The following FHIT variants were observed in gnomAD, a reference collection of about 807,000 sequenced individuals.
The protein encoded by FHIT is bis(5'-adenosyl)-triphosphatase.
FHIT carries 19 observed loss-of-function variants against 17.9 expected under a neutral mutation model. The observed-to-expected ratio is 1.06, with a 90% confidence interval of 0.74 to 1.56. The LOEUF (loss-of-function observed/expected upper bound fraction) is 1.56. Among genes scored for constraint, FHIT ranks in the 40% most tolerant of loss-of-function variants. The pLI is 0.00. For missense variants in FHIT, 248 were observed against 189.2 expected, an observed-to-expected ratio of 1.31 and a Z score of -1.82; for synonymous variants, 81 against 69.7, an observed-to-expected ratio of 1.16 and a Z score of -0.81.
intron 4 of FHIT, among the ~76,000 whole-genome samples, chr3:60,811,546 G>A (rs1487350658): frequency 2.0e-5 from 3 of 152,270 alleles, no homozygotes; most frequent in African/African-American, 7.2e-5. Context: ...CTATACATAT[G>A]TTAGTAACCT....
At chr3:59,991,172 G>T (rs1394359893) in intron 7 of FHIT, among the ~76,000 whole-genome samples, 1 of 152,046 alleles carries the variant, frequency 6.6e-6, no homozygotes, top group East Asian at 1.9e-4. Flanking sequence ...TACTCAGCAG[G>T]TGCTCAGTGA....
At chr3:60,579,219 A>C (rs541317729) in intron 4 of FHIT, among the ~76,000 whole-genome samples, 1 of 152,194 alleles carries the variant, frequency 6.6e-6, no homozygotes, top group African/African-American at 2.4e-5. Flanking sequence ...AGCCCACTAT[A>C]CACATAGGCT....
intron 1 of FHIT, among the ~76,000 whole-genome samples, chr3:61,244,744 G>T (rs747515120): frequency 9.9e-5 from 15 of 152,170 alleles, no homozygotes; most frequent in Non-Finnish European, 1.9e-4. Flanking sequence ...AACAGGTCTT[G>T]CTATGTTTCC....
chr3:60,328,205 G>A (rs995026508), intron 5 of FHIT, among the ~76,000 whole-genome samples: 3 of 152,188 alleles, frequency 2.0e-5, no homozygotes, highest in South Asian at 2.1e-4. Context: ...CACAGAGTAA[G>A]GCAGGAATGA....
intron 5 of FHIT, among the ~76,000 whole-genome samples, chr3:60,127,070 A>G (rs1374312640): frequency 6.6e-6 from 1 of 152,154 alleles, no homozygotes; most frequent in Non-Finnish European, 1.5e-5. Flanking sequence ...GCCTGGTGAG[A>G]TCAGGTACCT....
intron 2 of FHIT, among the ~76,000 whole-genome samples, chr3:61,096,464 C>T (rs1199841874): frequency 6.6e-6 from 1 of 152,186 alleles, no homozygotes; most frequent in Non-Finnish European, 1.5e-5. Context: ...TGAACCAACT[C>T]ACCCTATAAT....
At chr3:60,727,593 A>G (rs545410845) in intron 4 of FHIT, among the ~76,000 whole-genome samples, 1 of 152,326 alleles carries the variant, frequency 6.6e-6, no homozygotes, top group South Asian at 2.1e-4. Context: ...GTGACTCTAT[A>G]AAGTAAAGTT....
intron 8 of FHIT, among the ~76,000 whole-genome samples, chr3:59,806,768 C>T (rs941640330): frequency 3.3e-5 from 4 of 119,716 alleles, no homozygotes; most frequent in Non-Finnish European, 7.2e-5. Flanking sequence ...TAGAATGCAG[C>T]TGTGGAACAT....
intron 5 of FHIT, among the ~76,000 whole-genome samples, chr3:60,019,415 C>CTTTTTTTGTTTTTTTTTTTTTTTTT (rs1700467889): frequency 8.3e-6 from 1 of 121,094 alleles, no homozygotes; most frequent in African/African-American, 3.1e-5. Flanking sequence ...TGAGATGCTC[C>CTTTTTTTGTTTTTTTTTTTTTTTTT]TTTTTTTTTT....
intron 8 of FHIT, among the ~76,000 whole-genome samples, chr3:59,820,812 G>C (rs1196992598): frequency 6.6e-6 from 1 of 152,160 alleles, no homozygotes; most frequent in Non-Finnish European, 1.5e-5. Flanking sequence ...CAGGGCAAGA[G>C]AAAAGAACAA....
chr3:60,848,328 G>T (rs1703007500), intron 3 of FHIT, among the ~76,000 whole-genome samples: 1 of 152,068 alleles, frequency 6.6e-6, no homozygotes, highest in South Asian at 2.1e-4. Context: ...CTATCAAATT[G>T]TACTTTTTAA....
At position 59,906,949 on chromosome 3, in the gene FHIT, C is replaced by T. The variant is rs573601311; in HGVS notation, c.348+15397G>A. 2.0e-5 allele frequency among the ~76,000 whole-genome samples: 3 copies of T among 152,286 alleles called. No individual in the cohort carries two copies. In the East Asian group the frequency reaches 5.8e-4, roughly 29 times the overall value. Reference sequence around the variant, plus strand: ...TTCTGCTATGCTAATGTGACCTCCACGTGGAAATCAAAGGAAAGGAGTTCT... The same window carrying T: ...TTCTGCTATGCTAATGTGACCTCCATGTGGAAATCAAAGGAAAGGAGTTCT... On this transcript the variant is annotated intron_variant, in intron 8 of 9. Coordinates refer to ENST00000492590, the MANE Select transcript of FHIT (RefSeq NM_002012.4).
At chr3:59,989,571 G>T (rs1298264775) in intron 7 of FHIT, among the ~76,000 whole-genome samples, 1 of 152,036 alleles carries the variant, frequency 6.6e-6, no homozygotes, top group Admixed American at 6.6e-5. Context: ...ATAAAACACA[G>T]TATAAAGAAC....
rs367780446 is a variant in FHIT, at chr3:60,429,654, G to C, written c.103+107206C>G. 2.6e-5 allele frequency among the ~76,000 whole-genome samples: 4 copies of C among 152,082 alleles called. No homozygotes were observed. In the East Asian group the frequency reaches 7.8e-4, roughly 30 times the overall value. On this transcript the variant is annotated intron_variant, in intron 5 of 9. Transcript: ENST00000492590. The stretch of plus-strand genomic sequence containing the variant: ...TAATAAGGCTCTGCAGGGTGATGGA[G>C]GGAACCCATAAACCCAATGTGGTTG...
At chr3:60,743,901 TGGA>T (rs1240851191) in intron 4 of FHIT, among the ~76,000 whole-genome samples, 2 of 152,192 alleles carry the variant, frequency 1.3e-5, no homozygotes, top group African/African-American at 2.4e-5. Flanking sequence ...CAGAAAACCC[TGGA>T]GGAGAATTCT....
At chr3:60,711,145 G>A (rs9827764) in intron 4 of FHIT, among the ~76,000 whole-genome samples, 3,973 of 152,250 alleles carry the variant, frequency 0.026, 191 homozygotes, top group African/African-American at 0.09. Flanking sequence ...AGACACCACT[G>A]CTGATACCCA....
chr3:60,705,257 A>C (rs562018238), intron 4 of FHIT, among the ~76,000 whole-genome samples: 4 of 152,294 alleles, frequency 2.6e-5, no homozygotes, highest in Non-Finnish European at 5.9e-5. Flanking sequence ...AAGAGGAAGG[A>C]GACATAAACA....
At chr3:61,085,194 A>G (rs1192532447) in intron 2 of FHIT, among the ~76,000 whole-genome samples, 1 of 152,194 alleles carries the variant, frequency 6.6e-6, no homozygotes, top group Non-Finnish European at 1.5e-5. Context: ...TATGGTAAGT[A>G]CATGTTTAAC....
intron 5 of FHIT, among the ~76,000 whole-genome samples, chr3:60,440,888 T>C (rs2030738423): frequency 6.6e-6 from 1 of 152,130 alleles, no homozygotes; most frequent in South Asian, 2.1e-4. Flanking sequence ...AAGTGATACT[T>C]AGAATTTAAG....
Sources: allele counts gnomAD v4.1 joint callset (sites outside exome capture counted in the v4.1 genomes callset), GRCh38; gene constraint gnomAD v4.1.1; transcripts MANE v1.5; gene names NCBI Gene and HGNC (gene_info 2026-07-23, HGNC 2026-07-21).